Variants in HCN1 observed in about 807,000 individuals in gnomAD.
HCN1 encodes potassium/sodium hyperpolarization-activated cyclic nucleotide-gated channel 1.
HCN1 carries 13 observed loss-of-function variants against 78.9 expected under a neutral mutation model. That is an observed-to-expected ratio of 0.16 (90% CI 0.11 to 0.26). HCN1 has a LOEUF of 0.26. Among genes scored for constraint, HCN1 ranks in the 10% least tolerant of loss-of-function variants. The probability of loss-of-function intolerance (pLI) is 1.00; values close to 1 mark genes in which losing one functional copy is unlikely to be tolerated. For missense variants in HCN1, 810 were observed against 1,154.3 expected (o/e 0.70, Z 4.32); for synonymous variants, 552 against 455.5 (o/e 1.21, Z -2.70).
intron 3 of HCN1, among the ~76,000 whole-genome samples, chr5:45,437,879 A>T (rs1244938089): frequency 1.3e-5 from 2 of 152,184 alleles, no homozygotes; most frequent in Non-Finnish European, 2.9e-5. Flanking sequence ...GTCAGTACAG[A>T]AGTCAGATAG....
chr5:45,374,782 A>G (rs61437655), intron 4 of HCN1, among the ~76,000 whole-genome samples: 35,899 of 119,662 alleles, frequency 0.3, 4,955 homozygotes, highest in East Asian at 0.49. Flanking sequence ...ATATATATAT[A>G]TGTGTGTATA....
intron 3 of HCN1, among the ~76,000 whole-genome samples, chr5:45,406,256 A>G (rs765256453): frequency 6.6e-6 from 1 of 152,152 alleles, no homozygotes; most frequent in Admixed American, 6.5e-5. Flanking sequence ...CTTTGTTAAC[A>G]TAAATAAATA....
At chr5:45,508,895 G>C (rs1183547075) in intron 2 of HCN1, among the ~76,000 whole-genome samples, 1 of 152,060 alleles carries the variant, frequency 6.6e-6, no homozygotes, top group Non-Finnish European at 1.5e-5. Flanking sequence ...AGCTAAGCCT[G>C]GTGAACAAAT....
chr5:45,348,016 G>C (rs951093471), intron 5 of HCN1, among the ~76,000 whole-genome samples: 13 of 151,976 alleles, frequency 8.6e-5, no homozygotes, highest in African/African-American at 1.2e-4. Flanking sequence ...TACAGAGAAC[G>C]CCACAAAGAT....
intron 2 of HCN1, among the ~76,000 whole-genome samples, chr5:45,547,709 A>G (rs1475669228): frequency 1.3e-5 from 2 of 151,900 alleles, no homozygotes; most frequent in Non-Finnish European, 2.9e-5. Context: ...GTGTCAAGCC[A>G]TTTTTTTAAT....
chr5:45,522,206 T>C (rs1455583220), intron 2 of HCN1, among the ~76,000 whole-genome samples: 1 of 152,056 alleles, frequency 6.6e-6, no homozygotes, highest in Non-Finnish European at 1.5e-5. Context: ...AAAAAAGTCA[T>C]GTATCCAGAA....
rs1452689448 is a variant in HCN1 at position 45,262,376 on chromosome 5, G to C, written c.2218C>G (p.Gln740Glu). 1 of 1,611,566 alleles carries C rather than the reference G, an allele frequency of 6.2e-7. No individual in the cohort carries two copies. The highest frequency in any genetic ancestry group is 2.2e-5 in the East Asian group (1 of 44,866). Reference sequence around the variant, plus strand: ...GGCTGAGTCTGCGGCGGCTGGGACTGCTGTACCTGCTGCTGCGGCTGCTGT... The same window carrying C: ...GGCTGAGTCTGCGGCGGCTGGGACTCCTGTACCTGCTGCTGCGGCTGCTGT... ...MQQQPQQQVQQSQPPQTQPQQ... is the reference protein window; with the variant it reads ...MQQQPQQQVQESQPPQTQPQQ... The change falls in exon 8 of 8, where the codon CAG becomes GAG. Residue 740 changes from glutamine to glutamate, a missense_variant. By Grantham distance (29) the Gln-to-Glu change is conservative. Around this residue, in one of 6 missense-constraint regions of HCN1, gnomAD observed 398 missense variants for 381.3 expected, o/e 1.04. Transcript: ENST00000303230.
intron 5 of HCN1, among the ~76,000 whole-genome samples, chr5:45,304,571 G>T (rs186388843): frequency 6.6e-6 from 1 of 152,176 alleles, no homozygotes; most frequent in Non-Finnish European, 1.5e-5. Context: ...AGCTACTCGG[G>T]AGGCTGAGGC....
chr5:45,621,942 C>G (rs554021911), intron 2 of HCN1, among the ~76,000 whole-genome samples: 1 of 152,088 alleles, frequency 6.6e-6, no homozygotes, highest in African/African-American at 2.4e-5. Flanking sequence ...CAACTGTAGA[C>G]GACCAATAGT....
chr5:45,373,227 T>A (rs183138944), intron 4 of HCN1, among the ~76,000 whole-genome samples: 1 of 117,310 alleles, frequency 8.5e-6, no homozygotes, highest in African/African-American at 3.3e-5. Flanking sequence ...ATATAATATA[T>A]ATTTTACATT....
intron 6 of HCN1, among the ~76,000 whole-genome samples, chr5:45,274,646 G>A (rs1745019765): frequency 1.3e-5 from 2 of 152,090 alleles, no homozygotes; most frequent in South Asian, 4.1e-4. Context: ...GCAAATAAAA[G>A]TAATGCTTCA....
intron 1 of HCN1, among the ~76,000 whole-genome samples, chr5:45,657,075 T>C (rs1042619658): frequency 6.6e-6 from 1 of 152,186 alleles, no homozygotes; most frequent in Non-Finnish European, 1.5e-5. Context: ...GGAGCATATG[T>C]TTCCAGGTCT....
intron 1 of HCN1, among the ~76,000 whole-genome samples, chr5:45,647,706 C>T (rs1379116741): frequency 6.6e-6 from 1 of 152,102 alleles, no homozygotes; most frequent in East Asian, 1.9e-4. Flanking sequence ...TGCCTAAGCT[C>T]AAACTCATAA....
In HCN1 at chr5:45,261,865, T is replaced by C; in HGVS notation, c.*56A>G. 1 of 1,603,434 alleles carries C rather than the reference T, an allele frequency of 6.2e-7. No individual in the cohort carries two copies. Among genetic ancestry groups the C allele is most frequent in the Admixed American group, 1.7e-5 (1 of 60,010 alleles). On this transcript the variant is annotated 3_prime_UTR_variant, in exon 8 of 8. Coordinates refer to ENST00000303230, the MANE Select transcript of HCN1 (RefSeq NM_021072.4). Reference sequence around the variant, plus strand: ...TCAGGAGATAGAATAAAATAAGATCTGAGTATAGTCTCAGTTTATGAGAGT... The same window carrying C: ...TCAGGAGATAGAATAAAATAAGATCCGAGTATAGTCTCAGTTTATGAGAGT...
rs111487132 is a variant in HCN1 at position 45,331,678 on chromosome 5, C to T, written c.1377+21422G>A. On this transcript the variant is annotated intron_variant, in intron 5 of 7. Coordinates refer to ENST00000303230, the MANE Select transcript of HCN1 (RefSeq NM_021072.4). ...GTTTATATGCCTATGTATCTCAACA[C>T]ACCTGCTCATAATCGCACTAAGTAA... Among the ~76,000 whole-genome samples, 200 of 151,538 alleles carry T rather than the reference C, an allele frequency of 1.3e-3. 2 individuals are homozygous for T. The highest frequency in any genetic ancestry group is 4.7e-3 in the African/African-American group (194 of 41,466).
intron 2 of HCN1, among the ~76,000 whole-genome samples, chr5:45,623,259 C>T (rs1745103735): frequency 6.6e-6 from 1 of 152,132 alleles, no homozygotes; most frequent in African/African-American, 2.4e-5. Flanking sequence ...CAAGCAGGCA[C>T]TCAGTAAATA....
Position 45,262,431 on chromosome 5 carries a change from G to A in HCN1, c.2163C>T (p.Ser721=), listed in dbSNP as rs1232289132. Residue 721 remains serine, a synonymous_variant, in exon 8 of 8, where the codon TCC becomes TCT. Coordinates refer to ENST00000303230, the MANE Select transcript of HCN1 (RefSeq NM_021072.4). ...PLAARTFHYA[S]PTASQLSLMQ... ...TGAGTGACAGCTGGGAGGCGGTGGG[G>A]GAGGCATAGTGGAAAGTTCGAGCGG... 1.2e-6 allele frequency: 2 copies of A among 1,611,710 alleles called. No homozygotes were observed. Among genetic ancestry groups the A allele is most frequent in the South Asian group, 1.1e-5 (1 of 91,048 alleles).
chr5:45,460,671 G>A (rs1449410295), intron 3 of HCN1, among the ~76,000 whole-genome samples: 1 of 151,402 alleles, frequency 6.6e-6, no homozygotes, highest in African/African-American at 2.4e-5. Context: ...ATAAATATCA[G>A]GTCAAATATC....
intron 5 of HCN1, among the ~76,000 whole-genome samples, chr5:45,342,652 T>C (rs1459416803): frequency 1.3e-5 from 2 of 152,132 alleles, no homozygotes; most frequent in African/African-American, 2.4e-5. Flanking sequence ...AACTAACCAA[T>C]AGCAGATATT....
Sources: allele counts gnomAD v4.1 joint callset (sites outside exome capture counted in the v4.1 genomes callset), GRCh38; gene constraint gnomAD v4.1.1; regional missense constraint gnomAD v4.1.1; transcripts MANE v1.5; gene names NCBI Gene and HGNC (gene_info 2026-07-23, HGNC 2026-07-21).